Variants in SMARCAL1 observed in about 807,000 individuals in gnomAD.
The protein encoded by SMARCAL1 is SNF2 related chromatin remodeling annealing helicase 1, also known as ATP-driven annealing helicase.
In SMARCAL1, 58 loss-of-function variants were observed where a neutral mutation model predicts 94.5. That is an observed-to-expected ratio of 0.61 (90% CI 0.50 to 0.76). SMARCAL1 has a LOEUF of 0.76. Among genes scored for constraint, SMARCAL1 ranks in the 30% least tolerant of loss-of-function variants. The pLI, the probability that SMARCAL1 is intolerant of heterozygous loss-of-function variation, is 0.00. For missense variants in SMARCAL1, 1,051 were observed against 1,177.9 expected (o/e 0.89, Z 1.58); for synonymous variants, 422 against 455.1 (o/e 0.93, Z 0.93).
At chr2:216,456,645 G>C (rs925557191) in intron 12 of SMARCAL1, among the ~76,000 whole-genome samples, 1 of 152,190 alleles carries the variant, frequency 6.6e-6, no homozygotes, top group African/African-American at 2.4e-5. Context: ...AGCAAATGCT[G>C]AGAGATTTTG....
Position 216,475,359 on chromosome 2 carries a change from G to A in SMARCAL1, c.2335G>A (p.Val779Met). ...QQFQLSERHA[V>M]AVLSITAANM... ...GTTCCAACTGTCGGAGAGGCATGCT[G>A]TGGCCGTGCTGTCCATCACCGCTGC... Residue 779 changes from valine to methionine, a missense_variant, in exon 15 of 18, where the codon GTG becomes ATG. Coordinates refer to ENST00000357276, the MANE Select transcript of SMARCAL1 (RefSeq NM_014140.4). The surrounding 1 kb of genome is among the most constrained non-coding windows in gnomAD (Gnocchi z 4.4). 6.2e-7 allele frequency: 1 copy of A among 1,614,218 alleles called. No homozygotes were observed. The highest frequency in any genetic ancestry group is 8.5e-7 in the Non-Finnish European group (1 of 1,180,034).
At chr2:216,438,361 C>A in intron 9 of SMARCAL1, 59 bp from the exon 10 acceptor site, 1 of 1,441,194 alleles carries the variant, frequency 6.9e-7, no homozygotes, top group Non-Finnish European at 9.8e-7. Context: ...CTAAAGTGAC[C>A]CATATTTCTG....
At chr2:216,431,233 GC>G (rs575709985) in intron 7 of SMARCAL1, among the ~76,000 whole-genome samples, 52 of 152,372 alleles carry the variant, frequency 3.4e-4, no homozygotes, top group African/African-American at 1.2e-3. Context: ...GGCAAGTGCA[GC>G]CTAGACTTCT....
chr2:216,457,566 A>G lies in SMARCAL1; in HGVS notation c.2070+6502A>G, dbSNP rs551384541. Among the ~76,000 whole-genome samples, 18 of 152,300 alleles carry G rather than the reference A, an allele frequency of 1.2e-4. No homozygotes were observed. The East Asian group carries it at 3.3e-3, about 28-fold the overall frequency. ...AACTGCTCAACTACATGGAAACTGA[A>G]CAACCTGCTCCTGAATGACTACTGG... On this transcript the variant is annotated intron_variant, in intron 12 of 17. Transcript: ENST00000357276.
At chr2:216,471,073 A>C (rs1030953477) in intron 14 of SMARCAL1, among the ~76,000 whole-genome samples, 4 of 152,168 alleles carry the variant, frequency 2.6e-5, no homozygotes, top group Non-Finnish European at 5.9e-5. Flanking sequence ...GAATTGTCAC[A>C]AATCCGTTTT....
chr2:216,461,072 G>GTGTGTGTGTGTGTGTGTGTGTT (rs1694687918), intron 12 of SMARCAL1, among the ~76,000 whole-genome samples: 4 of 151,560 alleles, frequency 2.6e-5, no homozygotes, highest in Non-Finnish European at 5.9e-5. Flanking sequence ...GTGTGTGTGT[G>GTGTGTGTGTGTGTGTGTGTGTT]TGTGTGTGTG....
At chr2:216,476,364 G>A (rs966981558) in intron 15 of SMARCAL1, among the ~76,000 whole-genome samples, 3 of 151,882 alleles carry the variant, frequency 2.0e-5, no homozygotes, top group African/African-American at 4.8e-5. Context: ...TGTCACCCAG[G>A]CTGGACTGCA....
chr2:216,471,943 T>C (rs1694975338), intron 14 of SMARCAL1, among the ~76,000 whole-genome samples: 1 of 152,222 alleles, frequency 6.6e-6, no homozygotes, highest in Non-Finnish European at 1.5e-5. Flanking sequence ...CATTGAACCC[T>C]ATAAGAACCT....
In SMARCAL1 at chr2:216,474,128, C is replaced by CTTTTT. The variant is rs1182416023; in HGVS notation, c.2245-1116_2245-1112dup. Among the ~76,000 whole-genome samples, 23 of 64,932 alleles carry CTTTTT rather than the reference C, an allele frequency of 3.5e-4. 1 individual carries two copies. Among genetic ancestry groups the CTTTTT allele is most frequent in the South Asian group, 1.5e-3 (2 of 1,300 alleles). 42.6% of individuals were successfully genotyped at this position (64,932 alleles called of 152,430 possible). On this transcript the variant is annotated intron_variant, in intron 14 of 17. Transcript: ENST00000357276. ...ATTTATATAACATTTGTATAGCATT[C>CTTTTT]TTTTTTTTTTTTTTTTTTTTTTTTT...
intron 14 of SMARCAL1, 114 bp downstream of exon 14, chr2:216,468,160 T>A: frequency 2.7e-6 from 2 of 734,900 alleles, no homozygotes. Context: ...GAAGCATTGC[T>A]GAAGACTTTC....
At chr2:216,477,910 G>T (rs934159253) in intron 16 of SMARCAL1, among the ~76,000 whole-genome samples, 6 of 152,214 alleles carry the variant, frequency 3.9e-5, no homozygotes, top group Non-Finnish European at 8.8e-5. Context: ...TAATTGGGCA[G>T]CTCATAATAC....
intron 14 of SMARCAL1, among the ~76,000 whole-genome samples, chr2:216,474,029 C>T (rs566508468): frequency 6.7e-6 from 1 of 149,176 alleles, no homozygotes; most frequent in East Asian, 2.0e-4. Flanking sequence ...ATTATTGATA[C>T]AGGTAACAAC....
chr2:216,426,831 C>G (rs1165159045), intron 6 of SMARCAL1, among the ~76,000 whole-genome samples: 1 of 152,186 alleles, frequency 6.6e-6, no homozygotes, highest in Non-Finnish European at 1.5e-5. Flanking sequence ...CCATGCTGTC[C>G]TTCCTCATGA....
At chr2:216,435,313 C>T in intron 8 of SMARCAL1, 25 bp from the exon 9 acceptor site, 17 of 1,613,740 alleles carry the variant, frequency 1.1e-5, no homozygotes, top group Non-Finnish European at 1.4e-5. Context: ...GTCATTGTAG[C>T]TTTGTTCCCT....
intron 8 of SMARCAL1, among the ~76,000 whole-genome samples, chr2:216,434,130 G>A (rs560885489): frequency 6.6e-6 from 1 of 152,112 alleles, no homozygotes; most frequent in Non-Finnish European, 1.5e-5. Flanking sequence ...AGTGCCTGTA[G>A]AAAGTAATCT....
chr2:216,412,970 G>C (rs1191540815), intron 1 of SMARCAL1: 1 of 152,556 alleles, frequency 6.6e-6, no homozygotes, highest in Admixed American at 6.5e-5. Flanking sequence ...CCTGGGATCT[G>C]GGGAGTTTGG....
intron 13 of SMARCAL1, among the ~76,000 whole-genome samples, chr2:216,466,434 C>T (rs1457818693): frequency 6.6e-6 from 1 of 152,198 alleles, no homozygotes; most frequent in Non-Finnish European, 1.5e-5. Context: ...AAATCTATGA[C>T]TCTCTGGACC....
intron 9 of SMARCAL1, 62 bp from the exon 10 acceptor site, chr2:216,438,358 G>A: frequency 1.4e-6 from 2 of 1,418,346 alleles, no homozygotes; most frequent in East Asian, 4.5e-5. Context: ...AGCCTAAAGT[G>A]ACCCATATTT....
chr2:216,447,134 A>C lies in SMARCAL1; in HGVS notation c.1827A>C (p.Gly609=). The C allele has an allele frequency of 6.2e-7, 1 of 1,613,924 alleles. No homozygotes were observed. The highest frequency in any genetic ancestry group is 8.5e-7 in the Non-Finnish European group (1 of 1,179,986). The part of the protein sequence containing the change: ...PTFFPQFHAF[G]LRYCDAKRMP... ...TCTTCCCCCAGTTTCATGCCTTTGGACTTCGCTACTGTGATGCCAAACGGG... is the reference window on the plus strand; with the variant it reads ...TCTTCCCCCAGTTTCATGCCTTTGGCCTTCGCTACTGTGATGCCAAACGGG... Residue 609 remains glycine, a synonymous_variant, in exon 11 of 18, where the codon GGA becomes GGC. Transcript: ENST00000357276.
Sources: gnomAD v4.1 joint callset for allele counts (sites outside exome capture counted in the v4.1 genomes callset) on GRCh38, gnomAD v4.1.1 for gene constraint, Gnocchi (gnomAD v3.1) non-coding constraint, MANE v1.5 for transcripts, NCBI Gene and HGNC (gene_info 2026-07-23, HGNC 2026-07-21) for gene names.